The following VWA8 variants were observed in gnomAD, a reference collection of about 807,000 sequenced individuals.
VWA8 encodes von Willebrand factor A domain containing 8, also known as von Willebrand factor A domain-containing protein 8.
In VWA8, 221 loss-of-function variants were observed where a neutral mutation model predicts 241.5. The ratio of observed to expected loss-of-function variants is 0.91; its 90% CI spans 0.82 to 1.02. The LOEUF (loss-of-function observed/expected upper bound fraction) is 1.02. Ranked by LOEUF, VWA8 falls within the 50% of genes least tolerant of loss-of-function variation. The pLI is 0.00. For missense variants in VWA8, 2,322 were observed against 2,328.7 expected, an observed-to-expected ratio of 1.00 and a Z score of 0.06; for synonymous variants, 852 against 827.1, an observed-to-expected ratio of 1.03 and a Z score of -0.52.
In VWA8 at chr13:41,800,750, G is replaced by A. The variant is rs568961414; in HGVS notation, c.2063+10475C>T. Among the ~76,000 whole-genome samples, 8 of 144,404 alleles carry A rather than the reference G, an allele frequency of 5.5e-5. No homozygotes were observed. The South Asian group carries it at 1.3e-3, about 24-fold the overall frequency. The allele number at this position is 144,404 out of a possible 152,430, so 94.7% of individuals were successfully genotyped here. On this transcript the variant is annotated intron_variant, in intron 17 of 44. Coordinates refer to ENST00000379310, the MANE Select transcript of VWA8 (RefSeq NM_015058.2). The stretch of plus-strand genomic sequence containing the variant: ...AGAGCTTGTAGTGAGCTGAGATGGC[G>A]CCACTGCACTCCAGTCTGGGTGACA...
In VWA8 at chr13:41,961,107, A is replaced by G. The variant is rs953846453; in HGVS notation, c.-92T>C. The G allele has an allele frequency of 8.2e-7, 1 of 1,223,072 alleles. No homozygotes were observed. 75.8% of individuals were successfully genotyped at this position (1,223,072 alleles called of 1,614,324 possible). On this transcript the variant is annotated 5_prime_UTR_variant, in exon 1 of 45. Coordinates refer to ENST00000379310, the MANE Select transcript of VWA8 (RefSeq NM_015058.2). ...CGTGAGGCAGCGCGGAGAAGGGGAC[A>G]GGAAGCGGCACCTAGCCGAGTCCGC...
At chr13:41,778,368 A>G (rs1317616706) in intron 19 of VWA8, among the ~76,000 whole-genome samples, 1 of 152,182 alleles carries the variant, frequency 6.6e-6, no homozygotes, top group African/African-American at 2.4e-5. Context: ...ATAATTTAAT[A>G]TTTAAATTGA....
Position 41,721,390 on chromosome 13 carries a change from T to C in VWA8, c.2944A>G (p.Asn982Asp), listed in dbSNP as rs781336713. Residue 982 changes from asparagine to aspartate, a missense_variant, in exon 25 of 45, where the codon AAC becomes GAC. By Grantham distance (23) the Asn-to-Asp change is conservative. Coordinates refer to ENST00000379310, the MANE Select transcript of VWA8 (RefSeq NM_015058.2). ...NYPYSTREVV[N>D]IVKHLQKFPT... ...CCTACCTGTAAATGTTTGACTATGT[T>C]GACAACTTCTCTGGTAGAATAAGGA... 6.2e-7 allele frequency: 1 copy of C among 1,613,758 alleles called. No individual in the cohort carries two copies. Among genetic ancestry groups the C allele is most frequent in the Non-Finnish European group, 8.5e-7 (1 of 1,179,774 alleles).
chr13:41,955,681 A>T (rs1216370756), intron 1 of VWA8: 1 of 152,234 alleles, frequency 6.6e-6, no homozygotes, highest in Non-Finnish European at 1.5e-5. Context: ...GCAAATTGTT[A>T]AATTCAACCA....
chr13:41,680,667 T>G (rs1163597155), intron 35 of VWA8, among the ~76,000 whole-genome samples: 1 of 152,162 alleles, frequency 6.6e-6, no homozygotes, highest in East Asian at 1.9e-4. Flanking sequence ...GTTTGACCCT[T>G]ACAAGAGTAG....
intron 40 of VWA8, among the ~76,000 whole-genome samples, chr13:41,592,464 T>C (rs1005903596): frequency 4.3e-5 from 6 of 139,080 alleles, no homozygotes; most frequent in Admixed American, 2.2e-4. Context: ...ACTTAAAGTA[T>C]AATAATAAAA....
chr13:41,655,489 CAGAG>C (rs34381157), intron 37 of VWA8, among the ~76,000 whole-genome samples: 6,626 of 147,576 alleles, frequency 0.045, 353 homozygotes, highest in African/African-American at 0.14. Context: ...TACAGAGAGA[CAGAG>C]AGAGAGAGAG....
intron 42 of VWA8, among the ~76,000 whole-genome samples, chr13:41,576,153 T>TTGTG (rs2044349450): frequency 6.6e-6 from 1 of 152,228 alleles, no homozygotes; most frequent in South Asian, 2.1e-4. Flanking sequence ...ACACATACTC[T>TTGTG]TGTGTTGTAG....
intron 1 of VWA8, among the ~76,000 whole-genome samples, chr13:41,953,577 G>A (rs753544923): frequency 1.1e-4 from 16 of 152,158 alleles, no homozygotes; most frequent in Non-Finnish European, 1.8e-4. Flanking sequence ...AGGCCGAGGT[G>A]GGTGGATCAC....
intron 26 of VWA8, among the ~76,000 whole-genome samples, chr13:41,712,082 G>C (rs985778747): frequency 6.6e-6 from 1 of 152,106 alleles, no homozygotes; most frequent in Non-Finnish European, 1.5e-5. Flanking sequence ...AGATACCAGA[G>C]GTTGGGAAGG....
At chr13:41,959,886 G>A (rs1281365620) in intron 1 of VWA8, among the ~76,000 whole-genome samples, 7 of 152,152 alleles carry the variant, frequency 4.6e-5, no homozygotes, top group Admixed American at 3.3e-4. Context: ...GGGATTACAG[G>A]CGTGAGCCAC....
chr13:41,657,925 G>A (rs2044920893), intron 37 of VWA8, among the ~76,000 whole-genome samples: 1 of 152,198 alleles, frequency 6.6e-6, no homozygotes, highest in Non-Finnish European at 1.5e-5. Context: ...ACGTCTACTG[G>A]AGTAAAGAAA....
intron 37 of VWA8, among the ~76,000 whole-genome samples, chr13:41,668,316 A>G (rs1164721619): frequency 6.6e-6 from 1 of 152,138 alleles, no homozygotes; most frequent in Non-Finnish European, 1.5e-5. Context: ...GTTAATTTCC[A>G]TGATGTAAAA....
intron 37 of VWA8, among the ~76,000 whole-genome samples, chr13:41,641,497 A>AT (rs2044794744): frequency 6.6e-6 from 1 of 152,038 alleles, no homozygotes; most frequent in South Asian, 2.1e-4. Context: ...TAACTTGCCT[A>AT]GGGTCATACA....
chr13:41,885,980 A>C lies in VWA8; in HGVS notation c.915T>G (p.Ser305=). ...GAAAGTCTGGAAGTCCAAGAGTAGA[A>C]GATTCTTGGGAACACAGAGTTGTGG... ...SFATTLCSQE[S]STLGLPDFPL... is the part of the protein sequence containing the mutation. The change falls in exon 8 of 45, where the codon TCT becomes TCG. Residue 305 remains serine (S), a synonymous_variant. Coordinates refer to ENST00000379310, the MANE Select transcript of VWA8 (RefSeq NM_015058.2). 6.2e-7 allele frequency: 1 copy of C among 1,607,956 alleles called. No individual in the cohort carries two copies. Among genetic ancestry groups the C allele is most frequent in the Non-Finnish European group, 8.5e-7 (1 of 1,178,534 alleles).
chr13:41,895,516 A>G (rs567773950), intron 4 of VWA8, among the ~76,000 whole-genome samples: 32 of 152,316 alleles, frequency 2.1e-4, no homozygotes, highest in Non-Finnish European at 3.8e-4. Flanking sequence ...TAGAGCATAC[A>G]TGGTCATACA....
intron 4 of VWA8, among the ~76,000 whole-genome samples, chr13:41,899,049 G>GGAC (rs1875296819): frequency 6.6e-6 from 1 of 152,244 alleles, no homozygotes; most frequent in African/African-American, 2.4e-5. Context: ...GTGGGCTGAA[G>GGAC]GACTCCTCAA....
intron 38 of VWA8, among the ~76,000 whole-genome samples, chr13:41,612,265 C>T (rs1194228671): frequency 2.0e-5 from 3 of 152,178 alleles, no homozygotes; most frequent in African/African-American, 7.2e-5. Flanking sequence ...CACAGAGAGG[C>T]TAAATGACAT....
intron 29 of VWA8, among the ~76,000 whole-genome samples, chr13:41,697,079 C>T (rs1312745392): frequency 7.9e-5 from 12 of 152,184 alleles, no homozygotes; most frequent in African/African-American, 2.9e-4. Flanking sequence ...CTGAGCTTCC[C>T]TCCCAAACTG....
Sources: allele counts gnomAD v4.1 joint callset (sites outside exome capture counted in the v4.1 genomes callset), GRCh38; gene constraint gnomAD v4.1.1; transcripts MANE v1.5; gene names NCBI Gene and HGNC (gene_info 2026-07-23, HGNC 2026-07-21).